The following MLLT3 variants were observed in gnomAD, a reference collection of about 807,000 sequenced individuals.
MLLT3 encodes protein AF-9.
A neutral mutation model predicts 53.2 loss-of-function variants in MLLT3; 4 were observed. The ratio of observed to expected loss-of-function variants is 0.08; its 90% CI spans 0.04 to 0.17. MLLT3 has a LOEUF of 0.17. MLLT3 is among the 10% of genes least tolerant of loss of function. The probability of loss-of-function intolerance (pLI) is 1.00; values close to 1 mark genes in which losing one functional copy is unlikely to be tolerated. For synonymous variants in MLLT3, 283 were observed against 230.6 expected (o/e 1.23, Z -2.06); for missense variants, 569 against 684.0 (o/e 0.83, Z 1.87).
At chr9:20,349,857 G>GC (rs1172857995) in intron 10 of MLLT3, among the ~76,000 whole-genome samples, 10 of 152,274 alleles carry the variant, frequency 6.6e-5, no homozygotes, top group Non-Finnish European at 1.5e-4. Flanking sequence ...AACTAAATGA[G>GC]CCCCACGTTT....
At chr9:20,412,044 A>G (rs1316457052) in intron 5 of MLLT3, 2 of 152,224 alleles carry the variant, frequency 1.3e-5, no homozygotes, top group Non-Finnish European at 2.9e-5. Context: ...GATACGTTAA[A>G]TTTATTTCAC....
chr9:20,433,235 T>C (rs1050468751), intron 4 of MLLT3, among the ~76,000 whole-genome samples: 1 of 152,072 alleles, frequency 6.6e-6, no homozygotes, highest in Non-Finnish European at 1.5e-5. Flanking sequence ...ACTTGACATA[T>C]CTTTTTATAG....
intron 2 of MLLT3, among the ~76,000 whole-genome samples, chr9:20,603,297 T>A (rs956007798): frequency 6.6e-6 from 1 of 152,058 alleles, no homozygotes; most frequent in Non-Finnish European, 1.5e-5. Flanking sequence ...ACCAGAAAAC[T>A]TAGAGCCACC....
At chr9:20,381,962 A>T (rs576868483) in intron 5 of MLLT3, among the ~76,000 whole-genome samples, 5 of 152,044 alleles carry the variant, frequency 3.3e-5, no homozygotes, top group South Asian at 4.1e-4. Context: ...ATCATGAGTT[A>T]AAAAATGCTT....
intron 4 of MLLT3, among the ~76,000 whole-genome samples, chr9:20,435,652 G>A (rs80014800): frequency 0.012 from 1,773 of 152,232 alleles, 38 homozygotes; most frequent in African/African-American, 0.04. Context: ...GAAAGTGGGA[G>A]GTGTAAGGAT....
intron 2 of MLLT3, among the ~76,000 whole-genome samples, chr9:20,586,096 T>G (rs569281484): frequency 6.6e-6 from 1 of 152,062 alleles, no homozygotes; most frequent in African/African-American, 2.4e-5. Flanking sequence ...GATGGGAGTA[T>G]CACTTGCACT....
chr9:20,599,471 A>G (rs1820361583), intron 2 of MLLT3, among the ~76,000 whole-genome samples: 1 of 151,836 alleles, frequency 6.6e-6, no homozygotes, highest in Non-Finnish European at 1.5e-5. Context: ...AAAAAAAAAA[A>G]AAAGGTAGCA....
In MLLT3 at chr9:20,344,781, A is replaced by G. The variant is rs1820823390; in HGVS notation, c.*1662T>C. The G allele has an allele frequency of 4.8e-6, 1 of 207,590 alleles. No individual in the cohort carries two copies. Among genetic ancestry groups the G allele is most frequent in the African/African-American group, 2.3e-5 (1 of 43,896 alleles). The allele number at this position is 207,590 out of a possible 1,614,324, so 12.9% of individuals were successfully genotyped here. A position where few individuals can be genotyped will look rare whatever the true frequency, so the allele number is the denominator to read the frequency against. On this transcript the variant is annotated 3_prime_UTR_variant, in exon 11 of 11. Coordinates refer to ENST00000380338, the MANE Select transcript of MLLT3 (RefSeq NM_004529.4). ...AATCTGCATTTATATAACTGCCCAA[A>G]AGAATGGGTCTGGAAAGACCATTTT...
rs768550718 is a variant in MLLT3, at chr9:20,341,828, A to G, written c.*4615T>C. The G allele has an allele frequency of 9.8e-6, 2 of 204,620 alleles. No individual in the cohort carries two copies. Among genetic ancestry groups the G allele is most frequent in the African/African-American group, 4.6e-5 (2 of 43,608 alleles). The allele number at this position is 204,620 out of a possible 1,614,324, so 12.7% of individuals were successfully genotyped here. On this transcript the variant is annotated 3_prime_UTR_variant, in exon 11 of 11. Transcript: ENST00000380338. ...ACATTGTTTCTGAACAAAACCCTCC[A>G]AAGAAATAGGGGGGAAAGAAAAAAT...
rs541542982 is a variant in MLLT3 at position 20,618,769 on chromosome 9, T to C, written c.193+1885A>G. On this transcript the variant is annotated intron_variant, in intron 2 of 10. Coordinates refer to ENST00000380338, the MANE Select transcript of MLLT3 (RefSeq NM_004529.4). The stretch of plus-strand genomic sequence containing the variant: ...AGGGCAGACAGAAAATCATTAAGTA[T>C]AGGAAATAAAAATAACATCAATGCA... Among the ~76,000 whole-genome samples, 11 of 152,190 alleles carry C rather than the reference T, an allele frequency of 7.2e-5. No individual in the cohort carries two copies. In the South Asian group the frequency reaches 2.1e-3, roughly 29 times the overall value.
intron 2 of MLLT3, among the ~76,000 whole-genome samples, chr9:20,496,666 A>C (rs1398361561): frequency 1.3e-5 from 2 of 152,230 alleles, no homozygotes; most frequent in Non-Finnish European, 1.5e-5. Flanking sequence ...AGGATCTTCC[A>C]GTATGGTTCT....
chr9:20,398,245 T>C, intron 5 of MLLT3, among the ~76,000 whole-genome samples: 1 of 151,962 alleles, frequency 6.6e-6, no homozygotes, highest in African/African-American at 2.4e-5. Context: ...GCCACCACAC[T>C]CAGCTTATTT....
intron 2 of MLLT3, among the ~76,000 whole-genome samples, chr9:20,576,579 G>C (rs1819658429): frequency 6.6e-6 from 1 of 152,042 alleles, no homozygotes; most frequent in African/African-American, 2.4e-5. Context: ...ACAATGACTG[G>C]AGCAGTGGAG....
At chr9:20,591,855 G>C (rs984019045) in intron 2 of MLLT3, among the ~76,000 whole-genome samples, 1 of 152,146 alleles carries the variant, frequency 6.6e-6, no homozygotes, top group Non-Finnish European at 1.5e-5. Context: ...AAGGAAGAGT[G>C]TTTTTAAGAA....
chr9:20,564,853 C>G (rs890496239), intron 2 of MLLT3, among the ~76,000 whole-genome samples: 22 of 152,122 alleles, frequency 1.4e-4, no homozygotes, highest in African/African-American at 3.9e-4. Flanking sequence ...CTCCACTTCC[C>G]CATCACTAAT....
intron 2 of MLLT3, among the ~76,000 whole-genome samples, chr9:20,497,788 A>G (rs973773741): frequency 1.3e-5 from 2 of 152,194 alleles, no homozygotes; most frequent in African/African-American, 4.8e-5. Context: ...AAGTCTTTGT[A>G]TGGATATATA....
At chr9:20,465,225 G>T (rs1824206383) in intron 2 of MLLT3, among the ~76,000 whole-genome samples, 1 of 152,002 alleles carries the variant, frequency 6.6e-6, no homozygotes, top group African/African-American at 2.4e-5. Flanking sequence ...CATGGTTCAG[G>T]AGAGAAAGGG....
chr9:20,587,570 A>G (rs1820007023), intron 2 of MLLT3, among the ~76,000 whole-genome samples: 1 of 152,222 alleles, frequency 6.6e-6, no homozygotes, highest in Admixed American at 6.5e-5. Flanking sequence ...AAAGAAAAAA[A>G]TCTATAATGT....
chr9:20,401,243 C>T (rs1176990857), intron 5 of MLLT3, among the ~76,000 whole-genome samples: 1 of 151,902 alleles, frequency 6.6e-6, no homozygotes, highest in African/African-American at 2.4e-5. Context: ...CCCCAGTGCC[C>T]AATAACCCAT....
Sources: gnomAD v4.1 joint callset for allele counts (sites outside exome capture counted in the v4.1 genomes callset) on GRCh38, gnomAD v4.1.1 for gene constraint, MANE v1.5 for transcripts, NCBI Gene and HGNC (gene_info 2026-07-23, HGNC 2026-07-21) for gene names.